LARGE1: variants seen among roughly 807,000 people sequenced by gnomAD.
The protein encoded by LARGE1 is LARGE xylosyl- and glucuronyltransferase 1.
LARGE1 carries 43 observed loss-of-function variants against 87.6 expected under a neutral mutation model. The observed-to-expected ratio is 0.49, with a 90% CI of 0.38 to 0.63. The LOEUF (loss-of-function observed/expected upper bound fraction) is 0.63, where lower values mean the gene tolerates loss of function less well. Among genes scored for constraint, LARGE1 ranks in the 30% least tolerant of loss-of-function variants. The pLI, the probability that LARGE1 is intolerant of heterozygous loss-of-function variation, is 0.00. For synonymous variants in LARGE1, 434 were observed against 394.6 expected (o/e 1.10, Z -1.18); for missense variants, 802 against 1,000.2 (o/e 0.80, Z 2.67).
chr22:33,283,419 C>T lies in LARGE1; in HGVS notation c.1731-71G>A, dbSNP rs913287753. 44 of 1,565,988 alleles carry T rather than the reference C, an allele frequency of 2.8e-5. No homozygotes were observed. The African/African-American group carries it at 3.5e-4, about 13-fold the overall frequency. On this transcript the variant is annotated intron_variant, in intron 12 of 14. Transcript: ENST00000397394. ...GGCCAAGGTCTTTCCCCCATGAGGGCGGGGTGGTCATTGGCCCGGGGAAGT... is the reference window on the plus strand; with the variant it reads ...GGCCAAGGTCTTTCCCCCATGAGGGTGGGGTGGTCATTGGCCCGGGGAAGT...
intron 11 of LARGE1, among the ~76,000 whole-genome samples, chr22:33,313,368 T>G (rs562929947): frequency 6.6e-6 from 1 of 152,262 alleles, no homozygotes; most frequent in Admixed American, 6.5e-5. Flanking sequence ...TGGGCTCTCA[T>G]AGAATCGGTG....
chr22:33,316,301 C>T (rs1392178685), intron 10 of LARGE1, 53 bp from the exon 11 acceptor site: 2 of 1,587,182 alleles, frequency 1.3e-6, no homozygotes, highest in Non-Finnish European at 8.6e-7. Flanking sequence ...CCGAGGGGGC[C>T]CATGAGCTTG....
At position 33,729,029 on chromosome 22, in the gene LARGE1, A is replaced by G. The variant is rs149487454; in HGVS notation, c.106+32342T>C. 6.4e-3 allele frequency among the ~76,000 whole-genome samples: 972 copies of G among 152,344 alleles called. 3 individuals are homozygous for G. Among genetic ancestry groups the G allele is most frequent in the Admixed American group, 0.015 (222 of 15,302 alleles). On this transcript the variant is annotated intron_variant, in intron 2 of 14. Transcript: ENST00000397394. ...TCTTGGAATGAGCTTTTATTTCAGA[A>G]AAGAAACCAATTTATGTAGTGTCAT...
chr22:33,256,619 T>C (rs1173941801), intron 11 of LARGE1, among the ~76,000 whole-genome samples: 1 of 152,210 alleles, frequency 6.6e-6, no homozygotes, highest in Non-Finnish European at 1.5e-5. Context: ...TAATTATTGT[T>C]CCAGTCATGC....
intron 11 of LARGE1, among the ~76,000 whole-genome samples, chr22:33,169,550 G>A (rs1415898885): frequency 1.3e-5 from 2 of 151,992 alleles, no homozygotes; most frequent in Non-Finnish European, 2.9e-5. Flanking sequence ...ATAACCCAGA[G>A]TCATAAAAAT....
intron 4 of LARGE1, among the ~76,000 whole-genome samples, chr22:33,613,471 A>G (rs143411411): frequency 6.6e-6 from 1 of 152,336 alleles, no homozygotes; most frequent in East Asian, 1.9e-4. Context: ...GAAGCACCCA[A>G]TTACAATTCT....
chr22:33,788,008 T>C (rs1418177144), intron 1 of LARGE1, among the ~76,000 whole-genome samples: 1 of 152,188 alleles, frequency 6.6e-6, no homozygotes, highest in African/African-American at 2.4e-5. Flanking sequence ...CCCTGCCCAG[T>C]AAAGTCCAGG....
intron 1 of LARGE1, among the ~76,000 whole-genome samples, chr22:33,865,085 C>A (rs1371253895): frequency 6.6e-6 from 1 of 152,214 alleles, no homozygotes; most frequent in Non-Finnish European, 1.5e-5. Flanking sequence ...CTGCTGACTT[C>A]TACTGTGGAA....
intron 1 of LARGE1, among the ~76,000 whole-genome samples, chr22:33,798,599 C>T (rs541933720): frequency 6.6e-6 from 1 of 152,270 alleles, no homozygotes; most frequent in South Asian, 2.1e-4. Context: ...CAGGAGTGTT[C>T]CACGCTGGCA....
intron 1 of LARGE1, among the ~76,000 whole-genome samples, chr22:33,892,262 T>G (rs1490648208): frequency 6.6e-6 from 1 of 152,164 alleles, no homozygotes; most frequent in Non-Finnish European, 1.5e-5. Context: ...TGATCTAGAC[T>G]GGGCTTGGTT....
At chr22:33,833,764 T>C (rs570996015) in intron 1 of LARGE1, among the ~76,000 whole-genome samples, 4 of 152,360 alleles carry the variant, frequency 2.6e-5, no homozygotes, top group South Asian at 4.1e-4. Flanking sequence ...CTCAGCTCAC[T>C]GCAACCTCTG....
At chr22:33,680,223 G>A (rs538520289) in intron 2 of LARGE1, among the ~76,000 whole-genome samples, 33 of 152,306 alleles carry the variant, frequency 2.2e-4, no homozygotes, top group African/African-American at 7.7e-4. Flanking sequence ...GAGATGGTCC[G>A]TTCCAGGGAA....
intron 1 of LARGE1, among the ~76,000 whole-genome samples, chr22:33,775,562 G>C (rs2085206901): frequency 1.3e-5 from 2 of 152,212 alleles, no homozygotes; most frequent in South Asian, 4.2e-4. Context: ...TATTAAGACT[G>C]GGGGGTTGGC....
chr22:33,588,931 G>A (rs967310063), intron 5 of LARGE1, among the ~76,000 whole-genome samples: 1 of 152,226 alleles, frequency 6.6e-6, no homozygotes, highest in African/African-American at 2.4e-5. Context: ...ACACAGTGGT[G>A]TGTTGTCTGG....
chr22:33,751,262 C>G (rs556066488), intron 2 of LARGE1, among the ~76,000 whole-genome samples: 8 of 152,282 alleles, frequency 5.3e-5, no homozygotes, highest in Admixed American at 5.2e-4. Flanking sequence ...GGGCAGATCA[C>G]CTGAGGTCAG....
intron 6 of LARGE1, among the ~76,000 whole-genome samples, chr22:33,537,107 A>T (rs5754598): frequency 6.6e-6 from 1 of 152,078 alleles, no homozygotes; most frequent in African/African-American, 2.4e-5. Flanking sequence ...CACCGCGCCC[A>T]GTGAAAGGCC....
chr22:33,149,213 TA>T, the LARGE1 span, among the ~76,000 whole-genome samples: 63,755 of 151,280 alleles, frequency 0.42, 13,878 homozygotes, highest in South Asian at 0.68. Flanking sequence ...ATTATTTTTT[TA>T]ATATTTTTTA....
At chr22:33,777,633 AGGGAGGGGAAGGGGGAGGGGGAGG>A (rs2042325798) in intron 1 of LARGE1, among the ~76,000 whole-genome samples, 1 of 40,390 alleles carries the variant, frequency 2.5e-5, no homozygotes, top group South Asian at 1.0e-3. Context: ...ACAGAGAGGG[AGGGAGGGGAAGGGGGAGGGGGAGG>A]GGGAGGGGAA....
At chr22:33,784,677 G>T (rs1251698695) in intron 1 of LARGE1, among the ~76,000 whole-genome samples, 2 of 151,924 alleles carry the variant, frequency 1.3e-5, no homozygotes, top group Admixed American at 1.3e-4. Flanking sequence ...ACAGTCACAG[G>T]TACTAATATG....
Sources: allele counts gnomAD v4.1 joint callset (sites outside exome capture counted in the v4.1 genomes callset), GRCh38; gene constraint gnomAD v4.1.1; transcripts MANE v1.5; gene names NCBI Gene and HGNC (gene_info 2026-07-23, HGNC 2026-07-21).